The following MAST2 variants were observed in gnomAD, a reference collection of about 807,000 sequenced individuals.
MAST2 encodes microtubule-associated serine/threonine-protein kinase 2.
In MAST2, 70 loss-of-function variants were observed where a neutral mutation model predicts 147.4. The observed-to-expected ratio is 0.47, with a 90% CI of 0.39 to 0.58. The LOEUF (loss-of-function observed/expected upper bound fraction) is 0.58, where lower values mean the gene tolerates loss of function less well. Ranked by LOEUF, MAST2 falls within the 20% of genes least tolerant of loss-of-function variation. The probability of loss-of-function intolerance (pLI) is 0.00; values close to 1 mark genes in which losing one functional copy is unlikely to be tolerated. For missense variants in MAST2, 2,080 were observed against 2,302.3 expected (o/e 0.90, Z 1.98); for synonymous variants, 869 against 896.8 (o/e 0.97, Z 0.55).
chr1:45,976,859 C>G (rs995374104), intron 5 of MAST2, among the ~76,000 whole-genome samples: 1 of 152,134 alleles, frequency 6.6e-6, no homozygotes, highest in Non-Finnish European at 1.5e-5. Context: ...TGTTGATACC[C>G]TTAACTTAGA....
intron 4 of MAST2, among the ~76,000 whole-genome samples, chr1:45,893,698 G>A (rs187665469): frequency 1.1e-3 from 166 of 151,786 alleles, no homozygotes; most frequent in Non-Finnish European, 1.9e-3. Flanking sequence ...TGAGGACATT[G>A]ACAAATCTCT....
intron 4 of MAST2, among the ~76,000 whole-genome samples, chr1:45,942,098 G>A (rs1657384636): frequency 1.3e-5 from 2 of 151,562 alleles, no homozygotes; most frequent in Non-Finnish European, 2.9e-5. Flanking sequence ...CAAGAGGTTT[G>A]CCAACCATAC....
Position 45,898,288 on chromosome 1 carries a change from C to T in MAST2, c.500+15893C>T, listed in dbSNP as rs560678612. 2.5e-4 allele frequency among the ~76,000 whole-genome samples: 38 copies of T among 152,292 alleles called. No homozygotes were observed. In the South Asian group the frequency reaches 3.7e-3, roughly 15 times the overall value. On this transcript the variant is annotated intron_variant, in intron 4 of 28. Transcript: ENST00000361297. ...GTCCCACGTTAAGTATGAGCACATA[C>T]GTCCTTATGATCGCCTGTAAGCCAG...
At chr1:45,886,275 TTATA>T (rs1244060936) in intron 4 of MAST2, among the ~76,000 whole-genome samples, 4 of 144,920 alleles carry the variant, frequency 2.8e-5, no homozygotes, top group Non-Finnish European at 4.5e-5. Context: ...ACATATATAT[TTATA>T]TATTGTATAC....
rs369582636 is a variant in MAST2 at position 46,031,307 on chromosome 1, G to A, written c.2992+17G>A. 218 of 1,542,042 alleles carry A rather than the reference G, an allele frequency of 1.4e-4. No individual in the cohort carries two copies. The highest frequency in any genetic ancestry group is 1.8e-4 in the Non-Finnish European group (200 of 1,140,858). Reference sequence around the variant, plus strand: ...CCAGTCCAGGTATGGCCCAGTGGGCGGCCAAACGACCTAAGCTGGAGGATA... The same window carrying A: ...CCAGTCCAGGTATGGCCCAGTGGGCAGCCAAACGACCTAAGCTGGAGGATA... On this transcript the variant is annotated intron_variant, in intron 23 of 28. Coordinates refer to ENST00000361297, the MANE Select transcript of MAST2 (RefSeq NM_015112.3). This position sits in a 1 kb window ranked among gnomAD's most constrained non-coding sequence, Gnocchi z 4.1.
Position 46,035,834 on chromosome 1 carries a change from G to A in MAST2, c.5165G>A (p.Ser1722Asn), listed in dbSNP as rs747239977. ...RLAHPSYEDP[S>N]QGWLWESECA... The stretch of plus-strand genomic sequence containing the variant: ...GCCCATCCATCTTATGAGGATCCCA[G>A]CCAGGGCTGGCTATGGGAGTCTGAG... Residue 1722 changes from serine (S) to asparagine (N), a missense_variant, in exon 29 of 29, where the codon AGC (serine) becomes AAC (asparagine). Transcript: ENST00000361297. This position sits in a 1 kb window ranked among gnomAD's most constrained non-coding sequence, Gnocchi z 5.5. 8 of 1,614,014 alleles carry A rather than the reference G, an allele frequency of 5.0e-6. No homozygotes were observed. The African/African-American group carries it at 9.3e-5, about 19-fold the overall frequency.
chr1:45,996,144 T>C (rs969760736), intron 5 of MAST2, among the ~76,000 whole-genome samples: 1 of 151,856 alleles, frequency 6.6e-6, no homozygotes, highest in African/African-American at 2.4e-5. Context: ...TATGTAACCC[T>C]AGCTGTACTA....
At chr1:46,004,928 A>G (rs1249164132) in intron 7 of MAST2, among the ~76,000 whole-genome samples, 2 of 152,166 alleles carry the variant, frequency 1.3e-5, no homozygotes, top group Non-Finnish European at 1.5e-5. Context: ...ATAGCTGGAC[A>G]TGGTGGCATG....
intron 3 of MAST2, among the ~76,000 whole-genome samples, chr1:45,870,627 A>T (rs955050388): frequency 6.6e-6 from 1 of 151,262 alleles, no homozygotes; most frequent in Non-Finnish European, 1.5e-5. Flanking sequence ...TTCATTATCA[A>T]GTATCAGTGG....
intron 3 of MAST2, among the ~76,000 whole-genome samples, chr1:45,830,011 C>G (rs1200187508): frequency 6.6e-6 from 1 of 151,194 alleles, no homozygotes; most frequent in Non-Finnish European, 1.5e-5. Context: ...TGCGCCACCA[C>G]CCCTGGCTAA....
At chr1:45,984,183 T>C (rs1313980758) in intron 5 of MAST2, among the ~76,000 whole-genome samples, 1 of 152,172 alleles carries the variant, frequency 6.6e-6, no homozygotes, top group Admixed American at 6.5e-5. Flanking sequence ...AGATAAAAAT[T>C]TATCATCCCT....
At chr1:45,907,043 C>T (rs1650874476) in intron 4 of MAST2, among the ~76,000 whole-genome samples, 2 of 152,080 alleles carry the variant, frequency 1.3e-5, no homozygotes, top group Admixed American at 1.3e-4. Context: ...ACCATATAGC[C>T]TATGTGTGTG....
At chr1:45,870,610 C>CT (rs993953573) in intron 3 of MAST2, among the ~76,000 whole-genome samples, 5 of 150,920 alleles carry the variant, frequency 3.3e-5, no homozygotes, top group African/African-American at 4.9e-5. Flanking sequence ...TATTAAGACT[C>CT]TTTTTTTTCA....
intron 4 of MAST2, among the ~76,000 whole-genome samples, chr1:45,919,360 AG>A (rs1379872446): frequency 6.6e-6 from 1 of 152,194 alleles, no homozygotes; most frequent in Non-Finnish European, 1.5e-5. Context: ...TTCAGGAACA[AG>A]GACTAGGAGA....
At chr1:45,943,606 G>C (rs1002093060) in intron 4 of MAST2, among the ~76,000 whole-genome samples, 1 of 152,132 alleles carries the variant, frequency 6.6e-6, no homozygotes, top group South Asian at 2.1e-4. Flanking sequence ...TTAGCTGGGC[G>C]TGGTGACGCG....
chr1:45,982,933 T>G (rs1200917518), intron 5 of MAST2, among the ~76,000 whole-genome samples: 1 of 152,224 alleles, frequency 6.6e-6, no homozygotes, highest in African/African-American at 2.4e-5. Flanking sequence ...GAATAGCATC[T>G]TCTGAAAAGT....
intron 4 of MAST2, among the ~76,000 whole-genome samples, chr1:45,896,145 A>G (rs1648698457): frequency 6.6e-6 from 1 of 151,460 alleles, no homozygotes; most frequent in Admixed American, 6.6e-5. Context: ...CTCATGCCTC[A>G]GCCTCCCGAG....
chr1:45,954,815 C>A (rs920537606), intron 4 of MAST2, among the ~76,000 whole-genome samples: 1 of 152,018 alleles, frequency 6.6e-6, no homozygotes, highest in Non-Finnish European at 1.5e-5. Context: ...AGGCATGTGG[C>A]CTGGAAATAC....
chr1:45,908,498 C>A (rs948582968), intron 4 of MAST2, among the ~76,000 whole-genome samples: 3 of 152,070 alleles, frequency 2.0e-5, no homozygotes. Context: ...TAGTGTAATT[C>A]AAAATATTTT....
Sources: gnomAD v4.1 joint callset for allele counts (sites outside exome capture counted in the v4.1 genomes callset) on GRCh38, gnomAD v4.1.1 for gene constraint, Gnocchi (gnomAD v3.1) non-coding constraint, MANE v1.5 for transcripts, NCBI Gene and HGNC (gene_info 2026-07-23, HGNC 2026-07-21) for gene names.